GPHN: variants seen among roughly 807,000 people sequenced by gnomAD.
GPHN encodes the protein gephyrin.
Under a neutral mutation model 95.5 loss-of-function variants are expected in GPHN, and 17 were observed. The observed-to-expected ratio is 0.18, with a 90% confidence interval of 0.12 to 0.27. The LOEUF (loss-of-function observed/expected upper bound fraction) is 0.27, where lower values mean the gene tolerates loss of function less well. GPHN is among the 10% of genes least tolerant of loss of function. GPHN has a pLI of 1.00. For synonymous variants in GPHN, 320 were observed against 322.5 expected, an observed-to-expected ratio of 0.99 and a Z score of 0.08; for missense variants, 660 against 978.1, an observed-to-expected ratio of 0.67 and a Z score of 4.34.
chr14:67,464,927 G>A, the GPHN span, among the ~76,000 whole-genome samples: 1 of 152,098 alleles, frequency 6.6e-6, no homozygotes, highest in Non-Finnish European at 1.5e-5. Context: ...CTAGATCTGG[G>A]TTAATCCCTC....
intron 1 of GPHN, among the ~76,000 whole-genome samples, chr14:66,526,799 C>G (rs2058710621): frequency 6.6e-6 from 1 of 152,102 alleles, no homozygotes; most frequent in South Asian, 2.1e-4. Context: ...ATATGTTGAA[C>G]CAGCATTGCA....
the GPHN span, chr14:67,573,377 C>A: frequency 6.3e-7 from 1 of 1,597,818 alleles, no homozygotes; most frequent in African/African-American, 1.3e-5. This position sits in a 1 kb window ranked among gnomAD's most constrained non-coding sequence, Gnocchi z 4.8. Flanking sequence ...TTATGTACTA[C>A]AAGTCCCCGG....
chr14:66,672,242 A>C (rs575684434), intron 1 of GPHN, among the ~76,000 whole-genome samples: 297 of 152,210 alleles, frequency 2.0e-3, no homozygotes, highest in African/African-American at 6.6e-3. Flanking sequence ...ATTTGGGGAT[A>C]CTTCTTTTAT....
the GPHN span, among the ~76,000 whole-genome samples, chr14:67,545,030 G>A: frequency 5.3e-5 from 8 of 152,216 alleles, no homozygotes; most frequent in African/African-American, 1.7e-4. Flanking sequence ...TCATTGTTTG[G>A]CTGCTGTAAG....
intron 20 of GPHN, among the ~76,000 whole-genome samples, chr14:67,167,644 G>T (rs1392001110): frequency 6.6e-6 from 1 of 152,034 alleles, no homozygotes; most frequent in Non-Finnish European, 1.5e-5. Flanking sequence ...GCAGTGTTTA[G>T]CCATGCCAAG....
the GPHN span, chr14:67,695,543 T>C: frequency 7.2e-7 from 1 of 1,384,594 alleles, no homozygotes; most frequent in Non-Finnish European, 9.9e-7. Flanking sequence ...CAGGGGAGTT[T>C]TCCAAGAAAG....
At chr14:66,668,182 T>C (rs2066081741) in intron 1 of GPHN, among the ~76,000 whole-genome samples, 2 of 152,162 alleles carry the variant, frequency 1.3e-5, no homozygotes, top group Non-Finnish European at 2.9e-5. Flanking sequence ...ACACTCTTGG[T>C]AGGAGTGTAA....
chr14:66,986,147 G>A (rs2071015537), intron 9 of GPHN, among the ~76,000 whole-genome samples: 1 of 151,372 alleles, frequency 6.6e-6, no homozygotes, highest in Non-Finnish European at 1.5e-5. Flanking sequence ...TAATTTTAAT[G>A]TTATTTTGGT....
At chr14:66,748,309 C>T (rs1028388878) in intron 2 of GPHN, among the ~76,000 whole-genome samples, 2 of 152,006 alleles carry the variant, frequency 1.3e-5, no homozygotes, top group African/African-American at 2.4e-5. Context: ...ATTATAATAA[C>T]ATACTTTTAA....
chr14:67,629,959 A>T, the GPHN span, among the ~76,000 whole-genome samples: 1 of 152,204 alleles, frequency 6.6e-6, no homozygotes, highest in South Asian at 2.1e-4. Context: ...AAAAATCTTT[A>T]AAAAATCATC....
chr14:67,424,613 A>AAAAAAT, the GPHN span, among the ~76,000 whole-genome samples: 32 of 151,052 alleles, frequency 2.1e-4, no homozygotes, highest in African/African-American at 7.5e-4. Flanking sequence ...AAAAAAAAAA[A>AAAAAAT]AAAAGGAAGC....
At chr14:67,715,099 A>T in the GPHN span, 1 of 152,374 alleles carries the variant, frequency 6.6e-6, no homozygotes. Context: ...AAAAGAGAAA[A>T]GTACCTGAAG....
At chr14:67,332,963 C>A in the GPHN span, 2 of 1,597,436 alleles carry the variant, frequency 1.3e-6, no homozygotes, top group Non-Finnish European at 8.6e-7. Context: ...GTGAAAGAAA[C>A]ATCCATTCTG....
At chr14:67,701,070 A>G in the GPHN span, among the ~76,000 whole-genome samples, 5 of 151,876 alleles carry the variant, frequency 3.3e-5, no homozygotes, top group African/African-American at 1.2e-4. Context: ...GAAGTTGACA[A>G]AAAGGTTGAA....
intron 2 of GPHN, among the ~76,000 whole-genome samples, chr14:66,740,751 TA>T (rs1424686981): frequency 6.6e-6 from 1 of 152,186 alleles, no homozygotes; most frequent in Non-Finnish European, 1.5e-5. Context: ...GGAAAATTTA[TA>T]AAGAGTAAGG....
the GPHN span, chr14:67,292,811 A>G: frequency 5.5e-6 from 5 of 910,064 alleles, no homozygotes; most frequent in Non-Finnish European, 8.4e-6. Flanking sequence ...TGACTATAAG[A>G]TTTGTTTGAA....
At chr14:67,225,962 T>TGTGTGC in the GPHN span, among the ~76,000 whole-genome samples, 2,448 of 113,366 alleles carry the variant, frequency 0.022, 47 homozygotes, top group Admixed American at 0.047. Flanking sequence ...TGTGTGTGTG[T>TGTGTGC]GCGCGCGCGC....
intron 1 of GPHN, among the ~76,000 whole-genome samples, chr14:66,623,902 A>G (rs1167190354): frequency 3.3e-5 from 5 of 152,140 alleles, no homozygotes; most frequent in South Asian, 2.1e-4. Context: ...AGCTACCGTA[A>G]TATTTCACCT....
intron 4 of GPHN, among the ~76,000 whole-genome samples, chr14:66,825,226 C>T (rs2061347053): frequency 6.6e-6 from 1 of 152,044 alleles, no homozygotes; most frequent in Non-Finnish European, 1.5e-5. Flanking sequence ...CCACAGATGT[C>T]ACCTCAGAGC....
Sources: gnomAD v4.1 joint callset for allele counts (sites outside exome capture counted in the v4.1 genomes callset) on GRCh38, gnomAD v4.1.1 for gene constraint, Gnocchi (gnomAD v3.1) non-coding constraint, MANE v1.5 for transcripts, NCBI Gene and HGNC (gene_info 2026-07-23, HGNC 2026-07-21) for gene names.